KDM4C: variants seen among roughly 807,000 people sequenced by gnomAD.
KDM4C encodes lysine demethylase 4C, also known as lysine-specific demethylase 4C.
KDM4C carries 81 observed loss-of-function variants against 129.3 expected under a neutral mutation model. That is an observed-to-expected ratio of 0.63 (90% CI 0.52 to 0.75). The LOEUF (loss-of-function observed/expected upper bound fraction) is 0.75. Among genes scored for constraint, KDM4C ranks in the 30% least tolerant of loss-of-function variants. The pLI is 0.00. For synonymous variants in KDM4C, 573 were observed against 456.1 expected, an observed-to-expected ratio of 1.26 and a Z score of -3.26; for missense variants, 1,457 against 1,304.0, an observed-to-expected ratio of 1.12 and a Z score of -1.81.
chr9:6,751,405 C>G (rs1295242366), intron 1 of KDM4C, among the ~76,000 whole-genome samples: 6 of 152,064 alleles, frequency 3.9e-5, no homozygotes, highest in African/African-American at 1.4e-4. Context: ...AAGATTGCAC[C>G]ACTGCGCTCC....
upstream of KDM4C, among the ~76,000 whole-genome samples, chr9:6,754,119 G>C (rs549035334): frequency 2.0e-5 from 3 of 151,874 alleles, no homozygotes; most frequent in South Asian, 6.2e-4. Context: ...CAGGTGATCC[G>C]CCCGCCTCGG....
At chr9:6,738,406 C>T (rs927337572) in intron 1 of KDM4C, among the ~76,000 whole-genome samples, 6 of 152,088 alleles carry the variant, frequency 3.9e-5, no homozygotes, top group South Asian at 2.1e-4. Context: ...ACCTGGGAGG[C>T]GAAGGTTGCA....
At chr9:7,057,118 A>G (rs1830971143) in intron 17 of KDM4C, among the ~76,000 whole-genome samples, 1 of 152,224 alleles carries the variant, frequency 6.6e-6, no homozygotes, top group African/African-American at 2.4e-5. Context: ...TCTTTGTTTC[A>G]TATTTTAATA....
At chr9:6,801,290 G>T (rs1290852892) in intron 2 of KDM4C, among the ~76,000 whole-genome samples, 2 of 109,076 alleles carry the variant, frequency 1.8e-5, no homozygotes, top group African/African-American at 7.1e-5. Context: ...GTCTCGCTCT[G>T]TCCCCAGGCT....
chr9:6,817,823 G>A (rs1832406597), intron 4 of KDM4C, among the ~76,000 whole-genome samples: 1 of 141,872 alleles, frequency 7.0e-6, no homozygotes, highest in Non-Finnish European at 1.5e-5. Context: ...CTGGAGTGCA[G>A]TGGCGCTATC....
At chr9:7,169,067 A>C (rs912387806) in intron 20 of KDM4C, among the ~76,000 whole-genome samples, 2 of 151,416 alleles carry the variant, frequency 1.3e-5, no homozygotes, top group African/African-American at 2.4e-5. Context: ...AAAAAAAAAA[A>C]AGGAAATATA....
intron 1 of KDM4C, among the ~76,000 whole-genome samples, chr9:6,763,579 A>G (rs1820018072): frequency 1.3e-5 from 2 of 152,268 alleles, no homozygotes; most frequent in Non-Finnish European, 1.5e-5. Flanking sequence ...AATTGTGGGT[A>G]ATTTGTTTCC....
At chr9:7,125,688 G>A (rs1839962070) in intron 18 of KDM4C, among the ~76,000 whole-genome samples, 1 of 152,224 alleles carries the variant, frequency 6.6e-6, no homozygotes, top group African/African-American at 2.4e-5. Flanking sequence ...TTTCCCAGGA[G>A]TGTTCTAAAT....
chr9:6,923,396 CT>C (rs1417030701), intron 8 of KDM4C, among the ~76,000 whole-genome samples: 1 of 151,932 alleles, frequency 6.6e-6, no homozygotes, highest in Non-Finnish European at 1.5e-5. Flanking sequence ...TTTATACTGA[CT>C]TTTTTTCTGA....
intron 1 of KDM4C, among the ~76,000 whole-genome samples, chr9:6,721,708 C>G (rs1040777968): frequency 6.6e-6 from 1 of 151,868 alleles, no homozygotes; most frequent in African/African-American, 2.4e-5. Flanking sequence ...CCTGCCTCAG[C>G]CTCCTGAGTA....
intron 8 of KDM4C, among the ~76,000 whole-genome samples, chr9:6,917,573 A>T (rs1419524035): frequency 6.6e-6 from 1 of 152,206 alleles, no homozygotes; most frequent in Non-Finnish European, 1.5e-5. Context: ...GGAGATAAGC[A>T]TGCAGCCATC....
chr9:6,929,738 T>C (rs1823326444), intron 8 of KDM4C, among the ~76,000 whole-genome samples: 1 of 152,092 alleles, frequency 6.6e-6, no homozygotes. Flanking sequence ...CCCCAACTTC[T>C]TGGTATGTGC....
chr9:6,801,193 C>G (rs1339322266), intron 2 of KDM4C, among the ~76,000 whole-genome samples: 1 of 148,106 alleles, frequency 6.8e-6, no homozygotes, highest in Non-Finnish European at 1.5e-5. Flanking sequence ...GACTTTAACA[C>G]TCTTAGAATA....
At chr9:7,092,783 T>C (rs921356018) in intron 17 of KDM4C, among the ~76,000 whole-genome samples, 3 of 152,174 alleles carry the variant, frequency 2.0e-5, no homozygotes, top group Non-Finnish European at 4.4e-5. Context: ...AGCCAGAACA[T>C]AAGCGGTACA....
intron 4 of KDM4C, among the ~76,000 whole-genome samples, chr9:6,822,402 C>A (rs1288698333): frequency 2.0e-5 from 3 of 152,122 alleles, no homozygotes; most frequent in Non-Finnish European, 4.4e-5. Context: ...TTGGAATGTT[C>A]TCAGGAGGAT....
intron 5 of KDM4C, among the ~76,000 whole-genome samples, chr9:6,879,520 A>G (rs987731184): frequency 1.4e-4 from 22 of 152,202 alleles, no homozygotes; most frequent in Admixed American, 4.6e-4. Context: ...GGAAATATAA[A>G]TGTTGGTGTA....
At chr9:6,846,848 A>C (rs978933000) in intron 4 of KDM4C, among the ~76,000 whole-genome samples, 6 of 152,224 alleles carry the variant, frequency 3.9e-5, no homozygotes, top group Non-Finnish European at 8.8e-5. Context: ...TATTTTATTA[A>C]AGTTTATTTT....
chr9:7,028,905 C>T (rs78010626), intron 15 of KDM4C, among the ~76,000 whole-genome samples: 2,613 of 150,674 alleles, frequency 0.017, 34 homozygotes, highest in South Asian at 0.063. Context: ...GTGACCGTTG[C>T]CAGGGGATAA....
chr9:7,024,709 A>T (rs930721778), intron 15 of KDM4C, among the ~76,000 whole-genome samples: 26 of 152,154 alleles, frequency 1.7e-4, no homozygotes, highest in African/African-American at 6.3e-4. Flanking sequence ...TATATGTGCC[A>T]CATTTTCTTA....
Sources: gnomAD v4.1 joint callset for allele counts (sites outside exome capture counted in the v4.1 genomes callset) on GRCh38, gnomAD v4.1.1 for gene constraint, MANE v1.5 for transcripts, NCBI Gene and HGNC (gene_info 2026-07-23, HGNC 2026-07-21) for gene names.